DLC1: variants seen among roughly 807,000 people sequenced by gnomAD.
DLC1 encodes the protein rho GTPase-activating protein 7.
A neutral mutation model predicts 140.3 loss-of-function variants in DLC1; 54 were observed. That is an observed-to-expected ratio of 0.38 (90% CI 0.31 to 0.48). DLC1 has a LOEUF of 0.48. Among genes scored for constraint, DLC1 ranks in the 20% least tolerant of loss-of-function variants. The pLI, the probability that DLC1 is intolerant of heterozygous loss-of-function variation, is 0.96. For synonymous variants in DLC1, 986 were observed against 728.1 expected, an observed-to-expected ratio of 1.35 and a Z score of -5.70; for missense variants, 2,536 against 1,907.0, an observed-to-expected ratio of 1.33 and a Z score of -6.14.
chr8:13,583,801 C>T (rs1267104006), intron 1 of DLC1: 1 of 152,342 alleles, frequency 6.6e-6, no homozygotes, highest in African/African-American at 2.4e-5. Flanking sequence ...CCTGAGGCTG[C>T]ATGGTGAAAA....
chr8:13,323,110 G>T (rs1219406266), intron 4 of DLC1, among the ~76,000 whole-genome samples: 1 of 152,192 alleles, frequency 6.6e-6, no homozygotes, highest in Non-Finnish European at 1.5e-5. Context: ...GGCTCAGCTA[G>T]ATCCACTCAA....
At chr8:13,559,054 A>G (rs1230225555) in intron 1 of DLC1, 3 of 152,280 alleles carry the variant, frequency 2.0e-5, no homozygotes, top group African/African-American at 7.2e-5. Context: ...AAATTTAGCT[A>G]CAGAAAGGAC....
intron 1 of DLC1, among the ~76,000 whole-genome samples, chr8:13,589,548 A>G (rs1011986569): frequency 2.2e-4 from 34 of 152,104 alleles, no homozygotes; most frequent in African/African-American, 8.0e-4. Context: ...CTATGACATC[A>G]TAGAGAATCA....
At chr8:13,527,007 A>G (rs1802939255) in intron 1 of DLC1, among the ~76,000 whole-genome samples, 1 of 152,232 alleles carries the variant, frequency 6.6e-6, no homozygotes, top group Non-Finnish European at 1.5e-5. Context: ...ATTGACTAGT[A>G]TGCTGCTGAC....
chr8:13,291,651 A>C (rs1444094569), intron 5 of DLC1, among the ~76,000 whole-genome samples: 1 of 152,242 alleles, frequency 6.6e-6, no homozygotes, highest in African/African-American at 2.4e-5. Context: ...AAATATAAAT[A>C]AAGTAAATGT....
At chr8:13,395,843 C>T (rs1037047823) in intron 3 of DLC1, among the ~76,000 whole-genome samples, 8 of 146,868 alleles carry the variant, frequency 5.4e-5, no homozygotes, top group African/African-American at 2.0e-4. Flanking sequence ...ATGTCTTCTT[C>T]TTCTTCTTCT....
At chr8:13,419,937 C>G (rs1838239796) in intron 2 of DLC1, among the ~76,000 whole-genome samples, 1 of 152,156 alleles carries the variant, frequency 6.6e-6, no homozygotes, top group African/African-American at 2.4e-5. Context: ...CTGCTTTAGT[C>G]TTGGGAGAGT....
intron 5 of DLC1, among the ~76,000 whole-genome samples, chr8:13,147,225 G>A (rs559016813): frequency 1.1e-4 from 16 of 152,264 alleles, no homozygotes; most frequent in Non-Finnish European, 1.9e-4. Context: ...CTGGGGGAGC[G>A]AGGGATCTCA....
intron 2 of DLC1, among the ~76,000 whole-genome samples, chr8:13,452,569 C>T (rs570737745): frequency 4.6e-5 from 7 of 152,264 alleles, no homozygotes; most frequent in African/African-American, 1.7e-4. Context: ...AATAGAGTGG[C>T]TAATGGAAAG....
intron 5 of DLC1, among the ~76,000 whole-genome samples, chr8:13,295,189 T>C (rs1036667166): frequency 6.6e-6 from 1 of 152,216 alleles, no homozygotes; most frequent in Non-Finnish European, 1.5e-5. Context: ...CACTTATCTA[T>C]TTCCTTAAAT....
intron 5 of DLC1, among the ~76,000 whole-genome samples, chr8:13,126,416 G>T (rs1199413027): frequency 2.1e-5 from 3 of 144,206 alleles, no homozygotes; most frequent in Non-Finnish European, 4.5e-5. Context: ...CGTATTTCTA[G>T]TATTCCACGT....
intron 5 of DLC1, among the ~76,000 whole-genome samples, chr8:13,233,520 C>A (rs1408438463): frequency 6.6e-6 from 1 of 151,790 alleles, no homozygotes; most frequent in Non-Finnish European, 1.5e-5. Context: ...ATTTTAAGGG[C>A]CGAATATTAT....
At chr8:13,587,573 AGAGAG>A (rs1563459664) in intron 1 of DLC1, among the ~76,000 whole-genome samples, 1 of 127,362 alleles carries the variant, frequency 7.9e-6, no homozygotes, top group Non-Finnish European at 1.7e-5. Flanking sequence ...ACACACAGAG[AGAGAG>A]AAAATATATA....
chr8:13,232,910 CTGTT>C (rs1273853293), intron 5 of DLC1, among the ~76,000 whole-genome samples: 3 of 152,238 alleles, frequency 2.0e-5, no homozygotes, highest in South Asian at 2.1e-4. Flanking sequence ...TAAAGATCTT[CTGTT>C]TGTTTGCTTT....
intron 2 of DLC1, among the ~76,000 whole-genome samples, chr8:13,406,641 C>T (rs567558150): frequency 9.2e-5 from 14 of 152,214 alleles, no homozygotes; most frequent in African/African-American, 3.1e-4. Context: ...TTCAAATCCT[C>T]GGTAATTATG....
intron 2 of DLC1, among the ~76,000 whole-genome samples, chr8:13,443,260 T>G (rs1444204117): frequency 8.7e-5 from 13 of 149,546 alleles, no homozygotes; most frequent in African/African-American, 3.2e-4. Context: ...GGTTAAATGA[T>G]AGTTAATGGG....
At chr8:13,384,011 C>A (rs943111257) in intron 4 of DLC1, among the ~76,000 whole-genome samples, 2 of 152,182 alleles carry the variant, frequency 1.3e-5, no homozygotes, top group Admixed American at 6.5e-5. Context: ...CAGTACTAAT[C>A]ATCAATTATG....
intron 5 of DLC1, among the ~76,000 whole-genome samples, chr8:13,165,202 A>T (rs562152107): frequency 6.6e-6 from 1 of 152,204 alleles, no homozygotes; most frequent in Non-Finnish European, 1.5e-5. Flanking sequence ...CTGAAATTCA[A>T]ATTTCACTGG....
chr8:13,287,743 C>T (rs922119776), intron 5 of DLC1, among the ~76,000 whole-genome samples: 12 of 152,054 alleles, frequency 7.9e-5, no homozygotes, highest in African/African-American at 9.7e-5. Flanking sequence ...AAGACTAGAT[C>T]GCCGATGATG....
Sources: gnomAD v4.1 joint callset for allele counts (sites outside exome capture counted in the v4.1 genomes callset) on GRCh38, gnomAD v4.1.1 for gene constraint, MANE v1.5 for transcripts, NCBI Gene and HGNC (gene_info 2026-07-23, HGNC 2026-07-21) for gene names.